Variants in LRBA observed in about 807,000 individuals in gnomAD.
LRBA encodes the protein lipopolysaccharide-responsive and beige-like anchor protein.
In LRBA, 176 loss-of-function variants were observed where a neutral mutation model predicts 330.0. That is an observed-to-expected ratio of 0.53 (90% CI 0.47 to 0.60). LRBA has a LOEUF of 0.60. LRBA is among the 20% of genes least tolerant of loss of function. LRBA has a pLI of 0.00. For synonymous variants in LRBA, 1,230 were observed against 1,193.0 expected, an observed-to-expected ratio of 1.03 and a Z score of -0.64; for missense variants, 3,259 against 3,444.8, an observed-to-expected ratio of 0.95 and a Z score of 1.35.
At chr4:150,812,793 G>T (rs1323711527) in intron 31 of LRBA, among the ~76,000 whole-genome samples, 1 of 152,036 alleles carries the variant, frequency 6.6e-6, no homozygotes, top group East Asian at 1.9e-4. Context: ...ATAAATTAGT[G>T]AACAGTATAC....
chr4:150,507,807 G>C (rs969897084), intron 40 of LRBA, among the ~76,000 whole-genome samples: 2 of 152,094 alleles, frequency 1.3e-5, no homozygotes, highest in African/African-American at 4.8e-5. Context: ...CAGAATGGGA[G>C]AAAATTTTTG....
chr4:150,696,930 C>T (rs1352943769), intron 36 of LRBA, among the ~76,000 whole-genome samples: 3 of 150,844 alleles, frequency 2.0e-5, no homozygotes, highest in African/African-American at 7.3e-5. Context: ...GGGAGGATTC[C>T]TTGAGCCCAG....
chr4:150,825,660 CTG>C, intron 30 of LRBA, among the ~76,000 whole-genome samples: 1 of 152,164 alleles, frequency 6.6e-6, no homozygotes, highest in Non-Finnish European at 1.5e-5. Flanking sequence ...CTCCAGTAAA[CTG>C]TGTATCACGG....
chr4:150,311,651 C>T (rs115978304), intron 51 of LRBA, among the ~76,000 whole-genome samples: 29 of 152,252 alleles, frequency 1.9e-4, no homozygotes, highest in African/African-American at 5.3e-4. Flanking sequence ...TCTGTGGACA[C>T]AACCATTTAA....
rs556644974 is a variant in LRBA, at chr4:150,438,143, T to C, written c.6781-1279A>G. Among the ~76,000 whole-genome samples the C allele has an allele frequency of 6.6e-5, 10 of 152,316 alleles. No individual in the cohort carries two copies. The East Asian group carries it at 1.9e-3, about 29-fold the overall frequency. On this transcript the variant is annotated intron_variant, in intron 44 of 56. Coordinates refer to ENST00000651943, the MANE Select transcript of LRBA (RefSeq NM_001364905.1). ...TCTATTCCGTATTCAAAATGTTAAGTACCCACTCACTGAAAAAGACATGAT... is the reference window on the plus strand; with the variant it reads ...TCTATTCCGTATTCAAAATGTTAAGCACCCACTCACTGAAAAAGACATGAT...
intron 55 of LRBA, among the ~76,000 whole-genome samples, 194 bp downstream of exon 55, chr4:150,282,256 G>T (rs1188926638): frequency 6.6e-6 from 1 of 152,244 alleles, no homozygotes; most frequent in Non-Finnish European, 1.5e-5. Flanking sequence ...GACGTGGTCA[G>T]CACAGCTGGC....
intron 34 of LRBA, among the ~76,000 whole-genome samples, chr4:150,778,313 T>C (rs1737708872): frequency 6.6e-6 from 1 of 152,184 alleles, no homozygotes; most frequent in African/African-American, 2.4e-5. Flanking sequence ...TACAGGTCAG[T>C]TAGTAAAGAA....
At chr4:150,686,099 T>C (rs1236380856) in intron 36 of LRBA, among the ~76,000 whole-genome samples, 3 of 152,196 alleles carry the variant, frequency 2.0e-5, no homozygotes, top group African/African-American at 7.2e-5. Flanking sequence ...ATCAATTCAC[T>C]CATTTACCTC....
chr4:150,628,822 C>A (rs758621630), intron 37 of LRBA, among the ~76,000 whole-genome samples: 16 of 152,162 alleles, frequency 1.1e-4, no homozygotes, highest in Admixed American at 2.6e-4. Flanking sequence ...TTCAAAAACT[C>A]ATATCATGTT....
At chr4:150,672,108 A>G (rs1244754665) in intron 37 of LRBA, among the ~76,000 whole-genome samples, 1 of 152,200 alleles carries the variant, frequency 6.6e-6, no homozygotes, top group Non-Finnish European at 1.5e-5. Context: ...ATCTTTGACT[A>G]TTTAAACACA....
At chr4:150,545,357 C>T (rs1765743521) in intron 40 of LRBA, among the ~76,000 whole-genome samples, 1 of 152,126 alleles carries the variant, frequency 6.6e-6, no homozygotes, top group African/African-American at 2.4e-5. Context: ...ATTGTTGCTA[C>T]AATCTCAGAA....
intron 8 of LRBA, 42 bp downstream of exon 8, chr4:150,915,566 T>C (rs754422426): frequency 6.4e-7 from 1 of 1,573,218 alleles, no homozygotes; most frequent in Non-Finnish European, 8.6e-7. Flanking sequence ...GCTCATGCTT[T>C]TAAAATCACT....
At chr4:150,511,587 G>T (rs1038390942) in intron 40 of LRBA, among the ~76,000 whole-genome samples, 1 of 152,186 alleles carries the variant, frequency 6.6e-6, no homozygotes, top group Non-Finnish European at 1.5e-5. Context: ...GGCAGTGGTT[G>T]TATTAAAGTA....
chr4:150,806,315 G>A lies in LRBA; in HGVS notation c.5474C>T (p.Thr1825Ile). 1 of 1,608,386 alleles carries A rather than the reference G, an allele frequency of 6.2e-7. No homozygotes were observed. Residue 1825 changes from threonine to isoleucine, a missense_variant, in exon 33 of 57, where the codon ACA becomes ATA. Transcript: ENST00000651943. ...FVDFAPFLSR[T>I]LLGSHGQELL... ...TTCTTGTCCATGGCTACCCAAAAGT[G>A]TCCGAGAAAGAAAAGGTGCAAAATC...
At chr4:150,923,816 ATTGG>A (rs1178894582) in intron 4 of LRBA, among the ~76,000 whole-genome samples, 5 of 152,200 alleles carry the variant, frequency 3.3e-5, no homozygotes, top group Non-Finnish European at 5.9e-5. Context: ...AAATGAAATC[ATTGG>A]TTTGCCTTCA....
At position 150,559,784 on chromosome 4, in the gene LRBA, TTA is replaced by T. The variant is rs1176773184; in HGVS notation, c.6330+28262_6330+28263del. ...TATAGATTATATATATTATATTATA[TTA>T]TATATAATTATAATATGTTATATAT... is the stretch of plus-strand genomic sequence containing the variant. On this transcript the variant is annotated intron_variant, in intron 40 of 56. Coordinates refer to ENST00000651943, the MANE Select transcript of LRBA (RefSeq NM_001364905.1). Among the ~76,000 whole-genome samples the T allele has an allele frequency of 2.9e-4, 24 of 83,964 alleles. No individual in the cohort carries two copies. In the Middle Eastern group the frequency reaches 0.015, roughly 51 times the overall value. The allele number at this position is 83,964 out of a possible 152,430, so 55.1% of individuals were successfully genotyped here. A position where few individuals can be genotyped will look rare whatever the true frequency, so the allele number is the denominator to read the frequency against.
intron 2 of LRBA, among the ~76,000 whole-genome samples, chr4:150,953,113 C>T (rs1246642613): frequency 1.3e-5 from 2 of 152,110 alleles, no homozygotes; most frequent in Admixed American, 6.5e-5. Flanking sequence ...ATCTGAAGAG[C>T]GTATCTGAAG....
intron 50 of LRBA, among the ~76,000 whole-genome samples, chr4:150,317,846 G>A (rs1382736045): frequency 6.6e-6 from 1 of 152,034 alleles, no homozygotes; most frequent in Non-Finnish European, 1.5e-5. Flanking sequence ...CTATAAAATA[G>A]GTTAGATTGA....
chr4:150,472,780 A>G (rs1581415565), intron 42 of LRBA, among the ~76,000 whole-genome samples: 1 of 152,150 alleles, frequency 6.6e-6, no homozygotes, highest in Non-Finnish European at 1.5e-5. Context: ...TTCACTAAAC[A>G]TAATGTCTTT....
Sources: allele counts gnomAD v4.1 joint callset (sites outside exome capture counted in the v4.1 genomes callset), GRCh38; gene constraint gnomAD v4.1.1; transcripts MANE v1.5; gene names NCBI Gene and HGNC (gene_info 2026-07-23, HGNC 2026-07-21).